The following FAM193B variants were observed in gnomAD, a reference collection of about 807,000 sequenced individuals.
The protein encoded by FAM193B is family with sequence similarity 193 member B, also known as protein FAM193B.
A neutral mutation model predicts 70.7 loss-of-function variants in FAM193B; 27 were observed. The observed-to-expected ratio is 0.38, with a 90% CI of 0.28 to 0.53. The LOEUF is 0.53. Among genes scored for constraint, FAM193B ranks in the 20% least tolerant of loss-of-function variants. The pLI, the probability that FAM193B is intolerant of heterozygous loss-of-function variation, is 0.81. For missense variants in FAM193B, 1,022 were observed against 1,072.5 expected (o/e 0.95, Z 0.66); for synonymous variants, 448 against 436.0 (o/e 1.03, Z -0.34).
At chr5:177,531,421 G>A (rs1042841135) in intron 5 of FAM193B, 2 of 1,361,888 alleles carry the variant, frequency 1.5e-6, no homozygotes, top group Non-Finnish European at 2.0e-6. Context: ...CCCGCCCAGG[G>A]TGCCCCCCTT....
At position 177,554,302 on chromosome 5, in the gene FAM193B, C is replaced by G; in HGVS notation, c.157G>C (p.Asp53His). 7.4e-7 allele frequency: 1 copy of G among 1,358,244 alleles called. No individual in the cohort carries two copies. The highest frequency in any genetic ancestry group is 3.1e-5 in the Admixed American group (1 of 32,314). The allele number at this position is 1,358,244 out of a possible 1,614,324, so 84.1% of individuals were successfully genotyped here. A position where few individuals can be genotyped will look rare whatever the true frequency, so the allele number is the denominator to read the frequency against. The change falls in exon 1 of 9, where the codon GAC becomes CAC. Residue 53 changes from aspartate to histidine, a missense_variant. By Grantham distance (81) the Asp-to-His change is moderately conservative. Coordinates refer to ENST00000514747, the MANE Select transcript of FAM193B (RefSeq NM_001190946.3). ...AGPPEAPAEP[D>H]HDGPREDDEP... ...TCATCCTCCCTGGGGCCGTCGTGGT[C>G]GGGCTCCGCCGGCGCCTCCGGAGGG... is the stretch of plus-strand genomic sequence containing the variant.
chr5:177,524,073 G>T (rs749977233), intron 6 of FAM193B, 41 bp from the exon 7 acceptor site: 5 of 1,613,256 alleles, frequency 3.1e-6, no homozygotes, highest in Non-Finnish European at 4.2e-6. Context: ...CCCATGGCCA[G>T]GCCTTTGGGG....
At chr5:177,531,688 G>A (rs945517597) in intron 5 of FAM193B, 10 of 667,350 alleles carry the variant, frequency 1.5e-5, no homozygotes, top group East Asian at 6.8e-5. Flanking sequence ...GAATCCAGGC[G>A]GCAGTGGGTG....
chr5:177,528,451 T>G (rs923512682), intron 5 of FAM193B, among the ~76,000 whole-genome samples: 1 of 151,928 alleles, frequency 6.6e-6, no homozygotes, highest in Non-Finnish European at 1.5e-5. Context: ...AAAAAGAGAA[T>G]GGTGGACACA....
intron 1 of FAM193B, chr5:177,551,960 A>G: frequency 1.1e-6 from 1 of 925,522 alleles, no homozygotes; most frequent in Non-Finnish European, 1.3e-6. Context: ...GGGCATAACT[A>G]GAACCGAATT....
At chr5:177,544,230 G>A (rs1765164474) in intron 1 of FAM193B, among the ~76,000 whole-genome samples, 2 of 152,208 alleles carry the variant, frequency 1.3e-5, no homozygotes, top group Non-Finnish European at 2.9e-5. Context: ...GTGAGCTCTA[G>A]GTGCACTCTA....
chr5:177,539,722 T>C (rs1223938739), intron 1 of FAM193B, among the ~76,000 whole-genome samples: 1 of 152,210 alleles, frequency 6.6e-6, no homozygotes, highest in South Asian at 2.1e-4. Context: ...AGAGGGAAGG[T>C]AAGGCTCTGG....
chr5:177,551,001 A>AT (rs34974995), intron 1 of FAM193B, among the ~76,000 whole-genome samples: 60,310 of 147,206 alleles, frequency 0.41, 12,453 homozygotes, highest in South Asian at 0.47. Context: ...CTAAGTTTTG[A>AT]TTTTTTTTTT....
chr5:177,554,363 C>T lies in FAM193B; in HGVS notation c.96G>A (p.Pro32=). The part of the protein sequence containing the change: ...GPQKPQAPEP[P]PPPSLEAGAG... ...CTCCCGCCTCCAGGCTTGGCGGCGG[C>T]GGGGGCTCGGGCGCCTGGGGCTTCT... is the stretch of plus-strand genomic sequence containing the variant. Residue 32 remains proline, a synonymous_variant, in exon 1 of 9, where the codon CCG becomes CCA. Transcript: ENST00000514747. 8.2e-7 allele frequency: 1 copy of T among 1,217,338 alleles called. No individual in the cohort carries two copies. Among genetic ancestry groups the T allele is most frequent in the Non-Finnish European group, 1.0e-6 (1 of 978,494 alleles). 75.4% of individuals were successfully genotyped at this position (1,217,338 alleles called of 1,614,324 possible). A position where few individuals can be genotyped will look rare whatever the true frequency, so the allele number is the denominator to read the frequency against.
At position 177,532,343 on chromosome 5, in the gene FAM193B, T is replaced by A. The variant is rs1286807006; in HGVS notation, c.1275+100A>T. 7 of 1,508,090 alleles carry A rather than the reference T, an allele frequency of 4.6e-6. No individual in the cohort carries two copies. The highest frequency in any genetic ancestry group is 2.4e-5 in the Admixed American group (1 of 42,414). 93.4% of individuals were successfully genotyped at this position (1,508,090 alleles called of 1,614,324 possible). On this transcript the variant is annotated intron_variant, in intron 5 of 8. Coordinates refer to ENST00000514747, the MANE Select transcript of FAM193B (RefSeq NM_001190946.3). This position sits in a 1 kb window ranked among gnomAD's most constrained non-coding sequence, Gnocchi z 4.9. Reference sequence around the variant, plus strand: ...AGGACTCACGGCCCCAGCACGGTAATTACCACCGTGAGCAACGGGGTCTCT... The same window carrying A: ...AGGACTCACGGCCCCAGCACGGTAAATACCACCGTGAGCAACGGGGTCTCT...
intron 1 of FAM193B, among the ~76,000 whole-genome samples, chr5:177,549,224 G>A (rs1404305057): frequency 6.3e-5 from 8 of 127,720 alleles, no homozygotes; most frequent in African/African-American, 1.2e-4. Flanking sequence ...AAGGAGTCTC[G>A]CTCTGTCGCC....
At position 177,522,066 on chromosome 5, in the gene FAM193B, C is replaced by G; in HGVS notation, c.2378G>C (p.Cys793Ser). Residue 793 changes from cysteine (C) to serine (S), a missense_variant, in exon 8 of 9, where the codon TGT becomes TCT. Physicochemically the swap from Cys to Ser is moderately radical, Grantham distance 112. Transcript: ENST00000514747. The stretch of plus-strand genomic sequence containing the variant: ...ACGAGTCTGCTTTGCAGAATCCAAA[C>G]AGAACCTGTTGGGTTTGGGGGACAC... ...DREVEYFKRF[C>S]LDSAKQTRQK... The G allele has an allele frequency of 6.2e-7, 1 of 1,613,886 alleles. No homozygotes were observed. The highest frequency in any genetic ancestry group is 8.5e-7 in the Non-Finnish European group (1 of 1,179,798).
At chr5:177,553,874 C>G (rs1766659874) in intron 1 of FAM193B, 4 of 1,249,826 alleles carry the variant, frequency 3.2e-6, no homozygotes, top group Non-Finnish European at 3.1e-6. Flanking sequence ...CCCAGAGCCC[C>G]GAGATGGCCT....
intron 1 of FAM193B, among the ~76,000 whole-genome samples, chr5:177,546,934 C>T (rs1765501226): frequency 6.6e-6 from 1 of 152,228 alleles, no homozygotes; most frequent in South Asian, 2.1e-4. Flanking sequence ...ATCCTCAGGT[C>T]AAACTGCCAC....
At position 177,532,213 on chromosome 5, in the gene FAM193B, A is replaced by AT; in HGVS notation, c.1275+229_1275+230insA. On this transcript the variant is annotated intron_variant, in intron 5 of 8. Transcript: ENST00000514747. This position sits in a 1 kb window ranked among gnomAD's most constrained non-coding sequence, Gnocchi z 4.9. ...CCTTTCCTTTTGCCTAAGGAAAAAA[A>AT]GTCAATCTTAAGAGAAACCATGAGA... 6.6e-7 allele frequency: 1 copy of AT among 1,506,026 alleles called. No individual in the cohort carries two copies. The highest frequency in any genetic ancestry group is 8.8e-7 in the Non-Finnish European group (1 of 1,131,524). The allele number at this position is 1,506,026 out of a possible 1,614,324, so 93.3% of individuals were successfully genotyped here.
At chr5:177,531,536 G>GGGGGGGC in intron 5 of FAM193B, 1 of 1,047,040 alleles carries the variant, frequency 9.6e-7, no homozygotes, top group Non-Finnish European at 1.3e-6. Context: ...GGGTGGGGGG[G>GGGGGGGC]AGGTGCTGAC....
intron 1 of FAM193B, among the ~76,000 whole-genome samples, chr5:177,543,880 A>T (rs1292379743): frequency 6.6e-6 from 1 of 152,218 alleles, no homozygotes; most frequent in African/African-American, 2.4e-5. Context: ...CAAAGAAGAG[A>T]TCAGTAAATG....
intron 5 of FAM193B, chr5:177,531,687 C>T (rs1200848033): frequency 1.8e-5 from 12 of 668,528 alleles, no homozygotes; most frequent in South Asian, 3.8e-5. Context: ...TGAATCCAGG[C>T]GGCAGTGGGT....
At chr5:177,520,453 AG>A (rs1175577595) in intron 8 of FAM193B, among the ~76,000 whole-genome samples, 1 of 152,220 alleles carries the variant, frequency 6.6e-6, no homozygotes, top group African/African-American at 2.4e-5. Context: ...GTCCATCAGC[AG>A]GGGCTGGGAG....
Sources: gnomAD v4.1 joint callset for allele counts (sites outside exome capture counted in the v4.1 genomes callset) on GRCh38, gnomAD v4.1.1 for gene constraint, Gnocchi (gnomAD v3.1) non-coding constraint, MANE v1.5 for transcripts, NCBI Gene and HGNC (gene_info 2026-07-23, HGNC 2026-07-21) for gene names.